ARPP21: variants seen among roughly 807,000 people sequenced by gnomAD.
ARPP21 encodes the protein cAMP-regulated phosphoprotein 21.
A neutral mutation model predicts 113.2 loss-of-function variants in ARPP21; 69 were observed. The ratio of observed to expected loss-of-function variants is 0.61; its 90% CI spans 0.50 to 0.74. The LOEUF (loss-of-function observed/expected upper bound fraction) is 0.74. Ranked by LOEUF, ARPP21 falls within the 30% of genes least tolerant of loss-of-function variation. ARPP21 has a pLI of 0.00. For synonymous variants in ARPP21, 368 were observed against 375.5 expected (o/e 0.98, Z 0.23); for missense variants, 1,070 against 1,037.4 (o/e 1.03, Z -0.43).
At chr3:35,714,275 G>GCGTTT (rs71295012) in intron 11 of ARPP21, among the ~76,000 whole-genome samples, 1 of 151,646 alleles carries the variant, frequency 6.6e-6, no homozygotes, top group Non-Finnish European at 1.5e-5. Context: ...AAAACTGAGA[G>GCGTTT]AAACACCATG....
chr3:35,690,061 A>G lies in ARPP21; in HGVS notation c.486-20A>G. ...GTGGAACATACATAAAACCTTTTAA[A>G]TTTAACATTTATTTTGCAGGGACAG... On this transcript the variant is annotated intron_variant, in intron 7 of 20. Coordinates refer to ENST00000684406, the MANE Select transcript of ARPP21 (RefSeq NM_001385562.1). 1 of 1,111,350 alleles carries G rather than the reference A, an allele frequency of 9.0e-7. No individual in the cohort carries two copies. 68.8% of individuals were successfully genotyped at this position (1,111,350 alleles called of 1,614,324 possible).
At chr3:35,793,425 T>G (rs990537631) in intron 20 of ARPP21, among the ~76,000 whole-genome samples, 1 of 152,218 alleles carries the variant, frequency 6.6e-6, no homozygotes, top group Non-Finnish European at 1.5e-5. Context: ...TCTCAGCATC[T>G]ACTGCATTCC....
intron 13 of ARPP21, among the ~76,000 whole-genome samples, chr3:35,720,895 C>T (rs2092997238): frequency 6.6e-6 from 1 of 152,174 alleles, no homozygotes; most frequent in East Asian, 1.9e-4. Context: ...CCATTGTTCC[C>T]CTTGGAAAGT....
At chr3:35,709,296 T>G (rs2090295954) in intron 11 of ARPP21, among the ~76,000 whole-genome samples, 1 of 152,102 alleles carries the variant, frequency 6.6e-6, no homozygotes, top group South Asian at 2.1e-4. Context: ...GGTGGGGGCA[T>G]GTAGAGAGGT....
intron 19 of ARPP21, among the ~76,000 whole-genome samples, chr3:35,757,564 G>C (rs1051665089): frequency 6.6e-6 from 1 of 152,114 alleles, no homozygotes; most frequent in African/African-American, 2.4e-5. Flanking sequence ...AGGAGAAAGA[G>C]AAGACAATCC....
At chr3:35,765,486 T>A (rs1217128451) in intron 19 of ARPP21, among the ~76,000 whole-genome samples, 3 of 152,160 alleles carry the variant, frequency 2.0e-5, no homozygotes, top group Non-Finnish European at 4.4e-5. Flanking sequence ...AAGTGAAGCA[T>A]CAGTATACTG....
intron 19 of ARPP21, among the ~76,000 whole-genome samples, chr3:35,744,181 A>C (rs574135775): frequency 1.3e-5 from 2 of 152,364 alleles, no homozygotes; most frequent in African/African-American, 2.4e-5. Context: ...CATGCATGTT[A>C]AACAGTCTCC....
At chr3:35,654,173 A>G (rs547505884) in intron 1 of ARPP21, among the ~76,000 whole-genome samples, 13 of 152,174 alleles carry the variant, frequency 8.5e-5, no homozygotes, top group South Asian at 2.1e-4. Flanking sequence ...AATGGTGATA[A>G]AATAGATGAA....
chr3:35,666,523 T>C (rs2074402522), intron 1 of ARPP21, among the ~76,000 whole-genome samples: 1 of 152,198 alleles, frequency 6.6e-6, no homozygotes, highest in Admixed American at 6.5e-5. Context: ...GTTTTAAAAT[T>C]TTTGTTAAAT....
intron 8 of ARPP21, among the ~76,000 whole-genome samples, chr3:35,690,437 T>C (rs1201486672): frequency 6.6e-6 from 1 of 151,494 alleles, no homozygotes; most frequent in Non-Finnish European, 1.5e-5. Context: ...TATAGTTTTT[T>C]AATGGGCTCC....
chr3:35,654,799 G>A (rs1704035568), intron 1 of ARPP21, among the ~76,000 whole-genome samples: 1 of 152,060 alleles, frequency 6.6e-6, no homozygotes, highest in African/African-American at 2.4e-5. Flanking sequence ...TTAAATAAAA[G>A]TTAAGCATAG....
intron 19 of ARPP21, among the ~76,000 whole-genome samples, chr3:35,759,108 A>C (rs1400050424): frequency 2.0e-5 from 3 of 152,062 alleles, no homozygotes; most frequent in Non-Finnish European, 4.4e-5. Context: ...CTTCTGAATA[A>C]ACCCCCATGA....
In ARPP21 at chr3:35,743,857, C is replaced by A; in HGVS notation, c.2029C>A (p.Pro677Thr). 1 of 1,613,852 alleles carries A rather than the reference C, an allele frequency of 6.2e-7. No homozygotes were observed. The highest frequency in any genetic ancestry group is 8.5e-7 in the Non-Finnish European group (1 of 1,179,724). ...PPAQMPVYYY[P>T]SGQYPTSTTQ... ...TCCACAGATGCCTGTATATTATTAC[C>A]CATCTGGTCAGTACCCTACCTCAAC... The change falls in exon 19 of 21, where the codon CCA becomes ACA. Residue 677 changes from proline (P) to threonine (T), a missense_variant. Coordinates refer to ENST00000684406, the MANE Select transcript of ARPP21 (RefSeq NM_001385562.1).
At chr3:35,690,285 G>A (rs983751790) in intron 8 of ARPP21, 145 bp downstream of exon 8, 4 of 600,822 alleles carry the variant, frequency 6.7e-6, no homozygotes, top group Non-Finnish European at 9.0e-6. Flanking sequence ...CATTATTGGA[G>A]TTAGGACTAT....
chr3:35,791,359 A>G (rs773861284), intron 19 of ARPP21, among the ~76,000 whole-genome samples: 1 of 152,184 alleles, frequency 6.6e-6, no homozygotes, highest in African/African-American at 2.4e-5. Context: ...AGAGAATTGT[A>G]TTAAGATAGC....
At chr3:35,772,804 T>G (rs2096246778) in intron 19 of ARPP21, among the ~76,000 whole-genome samples, 1 of 152,210 alleles carries the variant, frequency 6.6e-6, no homozygotes, top group Non-Finnish European at 1.5e-5. Flanking sequence ...TGAAAACAGC[T>G]GCACAGGCTT....
intron 1 of ARPP21, among the ~76,000 whole-genome samples, chr3:35,656,072 T>A (rs560080506): frequency 1.8e-4 from 28 of 152,210 alleles, no homozygotes; most frequent in African/African-American, 6.5e-4. Context: ...TTAGAATAAC[T>A]TTGAATTTAC....
chr3:35,680,507 T>C (rs893281436), intron 2 of ARPP21, among the ~76,000 whole-genome samples: 3 of 151,904 alleles, frequency 2.0e-5, no homozygotes, highest in Non-Finnish European at 4.4e-5. Flanking sequence ...ATTTCTGTGG[T>C]TTGTATTTTT....
rs762836472 is a variant in ARPP21 at position 35,792,412 on chromosome 3, G to A, written c.2168G>A (p.Gly723Glu). ...GYQPVLSGQQGFQGLIGVQQP... is the reference protein window; with the variant it reads ...GYQPVLSGQQEFQGLIGVQQP... ...CAGCCAGTCTTGTCTGGTCAACAGG[G>A]ATTCCAAGGCCTAATAGGAGTGCAG... The change falls in exon 20 of 21, where the codon GGA becomes GAA. Residue 723 changes from glycine to glutamate, a missense_variant. Transcript: ENST00000684406. The A allele has an allele frequency of 9.9e-6, 16 of 1,614,034 alleles. No individual in the cohort carries two copies. In the South Asian group the frequency reaches 1.8e-4, roughly 18 times the overall value.
Sources: gnomAD v4.1 joint callset for allele counts (sites outside exome capture counted in the v4.1 genomes callset) on GRCh38, gnomAD v4.1.1 for gene constraint, MANE v1.5 for transcripts, NCBI Gene and HGNC (gene_info 2026-07-23, HGNC 2026-07-21) for gene names.